Variants in NDST4 observed in about 807,000 individuals in gnomAD.
The protein encoded by NDST4 is N-heparan sulfate sulfotransferase 4.
A neutral mutation model predicts 100.8 loss-of-function variants in NDST4; 63 were observed. The ratio of observed to expected loss-of-function variants is 0.62; its 90% CI spans 0.51 to 0.77. The LOEUF (loss-of-function observed/expected upper bound fraction) is 0.77. NDST4 is among the 30% of genes least tolerant of loss of function. The pLI, the probability that NDST4 is intolerant of heterozygous loss-of-function variation, is 0.00. For synonymous variants in NDST4, 377 were observed against 361.8 expected (o/e 1.04, Z -0.48); for missense variants, 943 against 1,018.4 (o/e 0.93, Z 1.01).
chr4:114,871,449 C>G lies in NDST4; in HGVS notation c.1537-499G>C, dbSNP rs150013586. 7.6e-3 allele frequency among the ~76,000 whole-genome samples: 1,164 copies of G among 152,204 alleles called. 10 individuals are homozygous for G. Among genetic ancestry groups the G allele is most frequent in the South Asian group, 0.01 (50 of 4,822 alleles). On this transcript the variant is annotated intron_variant, in intron 6 of 13. Coordinates refer to ENST00000264363, the MANE Select transcript of NDST4 (RefSeq NM_022569.3). ...GAAACTGATTGCATTTAGCCAGAAA[C>G]TTTTCCCCACTCATTAATCCTTTTA... is the stretch of plus-strand genomic sequence containing the variant.
chr4:115,026,627 A>C (rs1727990724), intron 2 of NDST4, among the ~76,000 whole-genome samples: 1 of 146,302 alleles, frequency 6.8e-6, no homozygotes, highest in African/African-American at 2.5e-5. Flanking sequence ...TAAATTCCAG[A>C]TGTAGGAGAC....
At chr4:114,917,420 A>G (rs1416778400) in intron 6 of NDST4, among the ~76,000 whole-genome samples, 2 of 152,110 alleles carry the variant, frequency 1.3e-5, no homozygotes, top group African/African-American at 2.4e-5. Flanking sequence ...TCAAAAAGAC[A>G]TATATCTCCA....
At chr4:115,101,458 A>T (rs1313528826) in intron 1 of NDST4, among the ~76,000 whole-genome samples, 1 of 152,124 alleles carries the variant, frequency 6.6e-6, no homozygotes, top group Non-Finnish European at 1.5e-5. Context: ...GGTGCATGGT[A>T]AGATGATAAA....
intron 4 of NDST4, among the ~76,000 whole-genome samples, chr4:114,938,933 T>C (rs919578491): frequency 4.6e-5 from 7 of 152,196 alleles, no homozygotes; most frequent in Admixed American, 3.9e-4. Context: ...TGCTAGACAC[T>C]GGGGAGAATT....
At chr4:114,890,938 C>G (rs1269558350) in intron 6 of NDST4, among the ~76,000 whole-genome samples, 1 of 152,050 alleles carries the variant, frequency 6.6e-6, no homozygotes, top group Non-Finnish European at 1.5e-5. Context: ...CTGATTTCTT[C>G]AAATTGCTTC....
chr4:114,930,282 G>A (rs1262958140), intron 6 of NDST4, among the ~76,000 whole-genome samples: 3 of 152,300 alleles, frequency 2.0e-5, no homozygotes, highest in Admixed American at 6.5e-5. Context: ...TTATTCAGAA[G>A]TACAAGCAAG....
intron 2 of NDST4, among the ~76,000 whole-genome samples, chr4:115,043,811 A>G (rs570675205): frequency 1.3e-5 from 2 of 152,270 alleles, no homozygotes; most frequent in South Asian, 4.1e-4. Context: ...AATGAAATAA[A>G]GAAGGGATAT....
chr4:115,092,975 G>A (rs941788402), intron 1 of NDST4, among the ~76,000 whole-genome samples: 2 of 152,090 alleles, frequency 1.3e-5, no homozygotes, highest in Non-Finnish European at 2.9e-5. Flanking sequence ...ATGGGTGAAA[G>A]TAATCATGAA....
At chr4:114,983,168 A>G (rs1389238851) in intron 2 of NDST4, among the ~76,000 whole-genome samples, 1 of 152,196 alleles carries the variant, frequency 6.6e-6, no homozygotes, top group Non-Finnish European at 1.5e-5. Context: ...GTGGGGTTGG[A>G]ACACCCTTTC....
At chr4:115,093,530 T>C (rs1411340155) in intron 1 of NDST4, among the ~76,000 whole-genome samples, 1 of 151,976 alleles carries the variant, frequency 6.6e-6, no homozygotes, top group Non-Finnish European at 1.5e-5. Flanking sequence ...AAATTTGGTC[T>C]AAAAGACATA....
chr4:114,909,284 T>C (rs532688009), intron 6 of NDST4, among the ~76,000 whole-genome samples: 1 of 152,112 alleles, frequency 6.6e-6, no homozygotes, highest in Admixed American at 6.5e-5. Context: ...GATGTGTGGG[T>C]TGTTTGGTAA....
rs1725537302 is a variant in NDST4 at position 114,932,554 on chromosome 4, A to G, written c.1536+2652T>C. Among the ~76,000 whole-genome samples, 6 of 152,086 alleles carry G rather than the reference A, an allele frequency of 3.9e-5. No individual in the cohort carries two copies. In the South Asian group the frequency reaches 1.2e-3, roughly 32 times the overall value. ...CCAAATTGGAAAAGAAAAAAGTTAA[A>G]TTGTTTCTGTTTGCAGATAACATGC... On this transcript the variant is annotated intron_variant, in intron 6 of 13. Coordinates refer to ENST00000264363, the MANE Select transcript of NDST4 (RefSeq NM_022569.3).
intron 12 of NDST4, among the ~76,000 whole-genome samples, chr4:114,832,173 A>AC (rs1319396567): frequency 6.6e-6 from 1 of 152,220 alleles, no homozygotes; most frequent in Non-Finnish European, 1.5e-5. Flanking sequence ...AACATCAGTA[A>AC]CTATTAATAC....
chr4:114,907,412 T>C (rs1370271797), intron 6 of NDST4, among the ~76,000 whole-genome samples: 1 of 152,132 alleles, frequency 6.6e-6, no homozygotes, highest in Non-Finnish European at 1.5e-5. Context: ...ATAATACCTC[T>C]CTCATAAGGT....
At chr4:114,840,088 C>T (rs544092344) in intron 10 of NDST4, among the ~76,000 whole-genome samples, 1 of 152,282 alleles carries the variant, frequency 6.6e-6, no homozygotes, top group Admixed American at 6.5e-5. Context: ...GTATCAGGTG[C>T]TATGGGTACA....
At chr4:114,961,862 A>G (rs1726270876) in intron 4 of NDST4, among the ~76,000 whole-genome samples, 2 of 152,076 alleles carry the variant, frequency 1.3e-5, no homozygotes, top group South Asian at 4.1e-4. Context: ...CCCTGACATC[A>G]AAGCCAAACA....
At chr4:115,060,414 G>A (rs1440740735) in intron 2 of NDST4, among the ~76,000 whole-genome samples, 2 of 151,888 alleles carry the variant, frequency 1.3e-5, no homozygotes, top group Admixed American at 6.6e-5. Flanking sequence ...TAGTCTTTAA[G>A]CATCATAAAA....
intron 1 of NDST4, among the ~76,000 whole-genome samples, chr4:115,089,374 A>C (rs1250395243): frequency 1.4e-5 from 1 of 69,914 alleles, no homozygotes; most frequent in Non-Finnish European, 2.7e-5. Context: ...ATAAAAGCAC[A>C]AAAATGTAGG....
At chr4:114,867,747 A>G (rs1724065698) in intron 7 of NDST4, among the ~76,000 whole-genome samples, 1 of 147,510 alleles carries the variant, frequency 6.8e-6, no homozygotes, top group South Asian at 2.2e-4. Context: ...AATAAAGGAC[A>G]TGAATTAATG....
Sources: allele counts gnomAD v4.1 joint callset (sites outside exome capture counted in the v4.1 genomes callset), GRCh38; gene constraint gnomAD v4.1.1; transcripts MANE v1.5; gene names NCBI Gene and HGNC (gene_info 2026-07-23, HGNC 2026-07-21).